Variants in LRRK1 observed in about 807,000 individuals in gnomAD.
LRRK1 encodes the protein leucine rich repeat kinase 1.
In LRRK1, 113 loss-of-function variants were observed where a neutral mutation model predicts 209.1. That is an observed-to-expected ratio of 0.54 (90% CI 0.46 to 0.63). The LOEUF is 0.63. Among genes scored for constraint, LRRK1 ranks in the 30% least tolerant of loss-of-function variants. LRRK1 has a pLI of 0.00. For synonymous variants in LRRK1, 1,144 were observed against 1,099.7 expected (o/e 1.04, Z -0.80); for missense variants, 2,284 against 2,632.2 (o/e 0.87, Z 2.89).
At chr15:100,948,784 A>G (rs7166739) in intron 2 of LRRK1, among the ~76,000 whole-genome samples, 7,118 of 152,288 alleles carry the variant, frequency 0.047, 320 homozygotes, top group African/African-American at 0.12. Flanking sequence ...CGAATGTGTT[A>G]AAGAAGAAAT....
intron 2 of LRRK1, among the ~76,000 whole-genome samples, chr15:100,960,296 A>G (rs1362037779): frequency 3.3e-5 from 1 of 30,486 alleles, no homozygotes; most frequent in Non-Finnish European, 7.1e-5. Context: ...TTTTTTTTGC[A>G]TAGTGCTTTT....
intron 7 of LRRK1, 140 bp downstream of exon 7, chr15:101,009,203 T>C (rs56151186): frequency 0.23 from 157,274 of 675,252 alleles, 20,681 homozygotes; most frequent in East Asian, 0.5. Flanking sequence ...TTGCCTACCC[T>C]GAGGCAAGCC....
At chr15:101,067,969 CG>C (rs2036628234) in intron 33 of LRRK1, among the ~76,000 whole-genome samples, 1 of 152,178 alleles carries the variant, frequency 6.6e-6, no homozygotes, top group African/African-American at 2.4e-5. Flanking sequence ...CAAGGCCACG[CG>C]GAGTGAGAGG....
chr15:100,946,813 A>C (rs11635808), intron 2 of LRRK1, among the ~76,000 whole-genome samples: 11,210 of 152,180 alleles, frequency 0.074, 991 homozygotes, highest in African/African-American at 0.21. Flanking sequence ...AATGTTGAAC[A>C]ACATACCAAT....
intron 6 of LRRK1, among the ~76,000 whole-genome samples, chr15:100,996,519 G>A (rs1298028965): frequency 6.6e-6 from 1 of 152,198 alleles, no homozygotes; most frequent in African/African-American, 2.4e-5. Context: ...CTTGTGTCCT[G>A]GTGAGCAGTT....
chr15:101,058,617 C>CGGGGAGTGG (rs10668251), intron 29 of LRRK1, among the ~76,000 whole-genome samples: 34,155 of 75,294 alleles, frequency 0.45, 9,078 homozygotes, highest in Middle Eastern at 0.59. Flanking sequence ...GAAGGGGCAA[C>CGGGGAGTGG]GGGGGGGGGC....
intron 31 of LRRK1, 85 bp downstream of exon 31, chr15:101,062,775 C>T (rs959648696): frequency 1.0e-6 from 1 of 967,754 alleles, no homozygotes; most frequent in Non-Finnish European, 1.7e-6. Context: ...CAGGGTGGCG[C>T]CTGCAGAGCC....
chr15:100,950,688 C>T (rs531063291), intron 2 of LRRK1, among the ~76,000 whole-genome samples: 1 of 152,160 alleles, frequency 6.6e-6, no homozygotes, highest in Non-Finnish European at 1.5e-5. Flanking sequence ...TAGACATAAT[C>T]AAGAAAGTGA....
chr15:100,989,060 A>G (rs1478042279), intron 5 of LRRK1, among the ~76,000 whole-genome samples, 190 bp from the exon 6 acceptor site: 1 of 152,198 alleles, frequency 6.6e-6, no homozygotes. Context: ...TGTACGAGGC[A>G]CTCCAAAGGG....
chr15:100,931,782 A>G (rs2042217047), intron 2 of LRRK1, among the ~76,000 whole-genome samples: 1 of 152,216 alleles, frequency 6.6e-6, no homozygotes, highest in South Asian at 2.1e-4. Flanking sequence ...ATAAGAAGCA[A>G]GCGAAGAACC....
intron 2 of LRRK1, among the ~76,000 whole-genome samples, chr15:100,941,279 C>T (rs369215798): frequency 0.056 from 1,391 of 25,042 alleles, no homozygotes; most frequent in African/African-American, 0.08. Context: ...TGTGTGTGTC[C>T]GTGTGTGTGT....
chr15:100,965,454 C>T (rs1314837878), intron 2 of LRRK1, among the ~76,000 whole-genome samples: 1 of 152,172 alleles, frequency 6.6e-6, no homozygotes, highest in Admixed American at 6.5e-5. Context: ...CTTTAACTTA[C>T]CATCCATGGC....
At chr15:100,973,725 T>A in intron 2 of LRRK1, 79 bp from the exon 3 acceptor site, 1 of 1,220,918 alleles carries the variant, frequency 8.2e-7, no homozygotes, top group African/African-American at 1.6e-5. Flanking sequence ...CGCCGCCTCC[T>A]GCTGTGTTCC....
chr15:101,048,360 C>G (rs771554862), intron 21 of LRRK1, 134 bp from the exon 22 acceptor site: 15 of 659,814 alleles, frequency 2.3e-5, no homozygotes, highest in Non-Finnish European at 3.8e-5. Flanking sequence ...CAGGGATGAG[C>G]AGCGTGGGAG....
At chr15:100,975,918 A>G (rs1228025165) in intron 3 of LRRK1, among the ~76,000 whole-genome samples, 1 of 152,194 alleles carries the variant, frequency 6.6e-6, no homozygotes, top group Non-Finnish European at 1.5e-5. Flanking sequence ...TTCTTTGAAG[A>G]GATTAATAAA....
chr15:101,004,829 C>T (rs2032867054), intron 6 of LRRK1, among the ~76,000 whole-genome samples: 1 of 152,216 alleles, frequency 6.6e-6, no homozygotes, highest in South Asian at 2.1e-4. Flanking sequence ...ACAGCCACAC[C>T]TAAGCCCTTC....
At chr15:100,949,798 A>G (rs72765029) in intron 2 of LRRK1, among the ~76,000 whole-genome samples, 25,539 of 152,140 alleles carry the variant, frequency 0.17, 2,261 homozygotes, top group Middle Eastern at 0.2. Flanking sequence ...AAAAGCATTT[A>G]ACAAAATTCA....
At chr15:100,993,124 A>G (rs1012690098) in intron 6 of LRRK1, among the ~76,000 whole-genome samples, 1 of 152,202 alleles carries the variant, frequency 6.6e-6, no homozygotes, top group Non-Finnish European at 1.5e-5. Flanking sequence ...TCTCAGAGGG[A>G]TGCTTGACAA....
Position 101,065,487 on chromosome 15 carries a change from G to A in LRRK1, c.5050G>A (p.Glu1684Lys). 6.2e-7 allele frequency: 1 copy of A among 1,614,220 alleles called. No homozygotes were observed. The highest frequency in any genetic ancestry group is 1.1e-5 in the South Asian group (1 of 91,086). ...ANRSKFSIAD[E>K]DARQNPYPVK... The stretch of plus-strand genomic sequence containing the variant: ...CAGGTCCAAGTTCAGCATCGCGGAT[G>A]AAGACGCACGGCAGAACCCCTACCC... The change falls in exon 32 of 34, where the codon GAA becomes AAA. Residue 1684 changes from glutamate to lysine, a missense_variant. Glu to Lys is a moderately conservative substitution (Grantham distance 56). Transcript: ENST00000388948.
Sources: allele counts gnomAD v4.1 joint callset (sites outside exome capture counted in the v4.1 genomes callset), GRCh38; gene constraint gnomAD v4.1.1; transcripts MANE v1.5; gene names NCBI Gene and HGNC (gene_info 2026-07-23, HGNC 2026-07-21).